The following HIVEP3 variants were observed in gnomAD, a reference collection of about 807,000 sequenced individuals.
HIVEP3 encodes the protein HIVEP zinc finger 3.
Under a neutral mutation model 152.8 loss-of-function variants are expected in HIVEP3, and 49 were observed. The observed-to-expected ratio is 0.32, with a 90% CI of 0.26 to 0.41. HIVEP3 has a LOEUF of 0.41. Ranked by LOEUF, HIVEP3 falls within the 10% of genes least tolerant of loss-of-function variation. HIVEP3 has a pLI of 1.00. For missense variants in HIVEP3, 2,790 were observed against 3,103.3 expected, an observed-to-expected ratio of 0.90 and a Z score of 2.40; for synonymous variants, 1,269 against 1,289.0, an observed-to-expected ratio of 0.98 and a Z score of 0.33.
chr1:41,890,220 C>T (rs1263380147), intron 1 of HIVEP3, among the ~76,000 whole-genome samples: 2 of 152,228 alleles, frequency 1.3e-5, no homozygotes, highest in Non-Finnish European at 2.9e-5. Context: ...AATGCTCAGT[C>T]AGCACTCCTT....
intron 5 of HIVEP3, among the ~76,000 whole-genome samples, chr1:41,555,518 T>G (rs1419914127): frequency 6.6e-6 from 1 of 152,098 alleles, no homozygotes; most frequent in Non-Finnish European, 1.5e-5. Flanking sequence ...CTCCAACCAG[T>G]CCCAATGAGA....
At chr1:41,773,413 GT>G (rs2124269627) in intron 1 of HIVEP3, among the ~76,000 whole-genome samples, 1 of 152,310 alleles carries the variant, frequency 6.6e-6, no homozygotes, top group South Asian at 2.1e-4. Flanking sequence ...GACTGTACTG[GT>G]TGTGAAAGTG....
Position 41,587,205 on chromosome 1 carries a change from T to C in HIVEP3, c.-521-1887A>G, listed in dbSNP as rs58370926. On this transcript the variant is annotated intron_variant, in intron 3 of 8. Transcript: ENST00000372583. Reference sequence around the variant, plus strand: ...GTCTTCAATGACACCCCTCTGGTCATTGAATACAGTGACGGATTCAATGAC... The same window carrying C: ...GTCTTCAATGACACCCCTCTGGTCACTGAATACAGTGACGGATTCAATGAC... 3.0e-3 allele frequency among the ~76,000 whole-genome samples: 452 copies of C among 152,300 alleles called. 6 individuals are homozygous for C. The highest frequency in any genetic ancestry group is 1.0e-2 in the African/African-American group (414 of 41,566).
chr1:41,615,815 C>CTTTTTTT (rs747478470), intron 3 of HIVEP3, among the ~76,000 whole-genome samples: 1 of 46,990 alleles, frequency 2.1e-5, no homozygotes, highest in Non-Finnish European at 3.9e-5. Context: ...TTTGACAAGT[C>CTTTTTTT]TTTTTTTTTT....
chr1:41,875,025 T>G (rs949886765), intron 1 of HIVEP3, among the ~76,000 whole-genome samples: 7 of 152,170 alleles, frequency 4.6e-5, no homozygotes, highest in Non-Finnish European at 1.0e-4. Flanking sequence ...TGAACAACCT[T>G]GGCAGGTCAC....
At chr1:41,515,949 G>A (rs1194224287) in intron 7 of HIVEP3, among the ~76,000 whole-genome samples, 2 of 151,736 alleles carry the variant, frequency 1.3e-5, no homozygotes, top group South Asian at 2.1e-4. Flanking sequence ...GGTCACAGGG[G>A]TAGTGTTAGG....
At chr1:42,012,031 T>C (rs1036592887) in intron 1 of HIVEP3, among the ~76,000 whole-genome samples, 1 of 151,962 alleles carries the variant, frequency 6.6e-6, no homozygotes, top group African/African-American at 2.4e-5. Flanking sequence ...CAAGGCTCAG[T>C]CCACTGCAAA....
intron 6 of HIVEP3, among the ~76,000 whole-genome samples, chr1:41,521,547 G>A (rs1483130211): frequency 6.6e-6 from 1 of 152,210 alleles, no homozygotes; most frequent in Non-Finnish European, 1.5e-5. Flanking sequence ...GAAAGGGGAA[G>A]GTGGGGCACA....
At chr1:41,837,986 A>T (rs2124365153) in intron 1 of HIVEP3, among the ~76,000 whole-genome samples, 1 of 152,108 alleles carries the variant, frequency 6.6e-6, no homozygotes, top group Non-Finnish European at 1.5e-5. Context: ...ATCTGAATAC[A>T]CCTTTGCTTT....
At chr1:41,610,702 C>G (rs1002628285) in intron 3 of HIVEP3, among the ~76,000 whole-genome samples, 4 of 152,188 alleles carry the variant, frequency 2.6e-5, no homozygotes, top group South Asian at 2.1e-4. Context: ...ACCCAGGGAG[C>G]CCGGTTTAAT....
At chr1:41,555,209 C>A (rs1007261191) in intron 5 of HIVEP3, among the ~76,000 whole-genome samples, 4 of 152,220 alleles carry the variant, frequency 2.6e-5, no homozygotes, top group African/African-American at 9.7e-5. Context: ...ATGGTGGATG[C>A]CCCTCCCCCT....
intron 1 of HIVEP3, among the ~76,000 whole-genome samples, chr1:42,003,933 T>C (rs951160840): frequency 1.3e-5 from 2 of 152,156 alleles, no homozygotes; most frequent in African/African-American, 4.8e-5. Context: ...TCACAAATTT[T>C]GCCACCAAAA....
In HIVEP3 at chr1:41,508,579, G is replaced by A. The variant is rs1644407529; in HGVS notation, c.*1872C>T. 1 of 152,402 alleles carries A rather than the reference G, an allele frequency of 6.6e-6. No individual in the cohort carries two copies. The highest frequency in any genetic ancestry group is 1.5e-5 in the Non-Finnish European group (1 of 68,194). 9.4% of individuals were successfully genotyped at this position (152,402 alleles called of 1,614,324 possible). A position where few individuals can be genotyped will look rare whatever the true frequency, so the allele number is the denominator to read the frequency against. On this transcript the variant is annotated 3_prime_UTR_variant, in exon 9 of 9. Transcript: ENST00000372583. ...TTTTTGTCTTAGCTCTGAGGCAAAG[G>A]AGAATGAGTGAACAAGGTGGTCTGG...
At chr1:41,721,362 C>T (rs1570395048) in intron 1 of HIVEP3, among the ~76,000 whole-genome samples, 1 of 152,096 alleles carries the variant, frequency 6.6e-6, no homozygotes. Context: ...CATGCCACCG[C>T]GCTCGACTAA....
intron 1 of HIVEP3, among the ~76,000 whole-genome samples, chr1:41,708,358 G>A (rs774097690): frequency 1.3e-5 from 2 of 152,036 alleles, no homozygotes; most frequent in Non-Finnish European, 2.9e-5. Context: ...CCCCACTTTG[G>A]CAATAGCATT....
At chr1:41,861,398 G>A (rs1643886133) in intron 1 of HIVEP3, among the ~76,000 whole-genome samples, 1 of 152,244 alleles carries the variant, frequency 6.6e-6, no homozygotes, top group Non-Finnish European at 1.5e-5. Context: ...AATGGTAGCT[G>A]GCAATACGGT....
upstream of HIVEP3, among the ~76,000 whole-genome samples, chr1:41,919,570 CTTAG>C (rs2124474048): frequency 6.6e-6 from 1 of 152,306 alleles, no homozygotes; most frequent in African/African-American, 2.4e-5. Flanking sequence ...CCACCTGAAC[CTTAG>C]TTAGAGTCTT....
intron 1 of HIVEP3, among the ~76,000 whole-genome samples, chr1:41,850,439 A>G (rs1040525079): frequency 6.6e-6 from 1 of 152,234 alleles, no homozygotes; most frequent in Admixed American, 6.5e-5. Flanking sequence ...TAATTAAACT[A>G]AGCTTAGAGA....
intron 1 of HIVEP3, among the ~76,000 whole-genome samples, chr1:41,930,656 T>C (rs2124480206): frequency 1.3e-5 from 2 of 152,280 alleles, no homozygotes; most frequent in East Asian, 3.9e-4. Flanking sequence ...GGTCATATAA[T>C]AAGTATATCT....
Sources: allele counts gnomAD v4.1 joint callset (sites outside exome capture counted in the v4.1 genomes callset), GRCh38; gene constraint gnomAD v4.1.1; transcripts MANE v1.5; gene names NCBI Gene and HGNC (gene_info 2026-07-23, HGNC 2026-07-21).